PATL2: variants seen among roughly 807,000 people sequenced by gnomAD.
PATL2 encodes the protein PAT1 homolog 2.
In PATL2, 73 loss-of-function variants were observed where a neutral mutation model predicts 77.0. That is an observed-to-expected ratio of 0.95 (90% confidence interval 0.78 to 1.15). PATL2 has a LOEUF of 1.15. Ranked by LOEUF, PATL2 falls within the 50% of genes most tolerant of loss-of-function variation. PATL2 has a pLI of 0.00. For missense variants in PATL2, 618 were observed against 655.4 expected, an observed-to-expected ratio of 0.94 and a Z score of 0.62; for synonymous variants, 265 against 257.1, an observed-to-expected ratio of 1.03 and a Z score of -0.29.
At chr15:44,675,288 AGCATC>A in intron 5 of PATL2, 193 bp downstream of exon 5, 1 of 634,068 alleles carries the variant, frequency 1.6e-6, no homozygotes. Context: ...AGGCGAGAAC[AGCATC>A]AGAAATGAAG....
chr15:44,700,612 C>T (rs1370497951), intron 3 of PATL2, among the ~76,000 whole-genome samples: 2 of 152,098 alleles, frequency 1.3e-5, no homozygotes, highest in African/African-American at 4.8e-5. Context: ...TGTATGTTGA[C>T]TTTGTATCCT....
At chr15:44,667,228 A>G (rs1470711520) in intron 15 of PATL2, 25 bp from the exon 16 acceptor site, 1 of 1,515,948 alleles carries the variant, frequency 6.6e-7, no homozygotes, top group African/African-American at 1.4e-5. Context: ...TATATATTCC[A>G]GAGCAAAATG....
Position 44,675,594 on chromosome 15 carries a change from TTCCTCC to T in PATL2, c.108_113del (p.Glu40_Glu41del). 3 of 1,551,576 alleles carry T rather than the reference TTCCTCC, an allele frequency of 1.9e-6. No homozygotes were observed. The highest frequency in any genetic ancestry group is 2.6e-6 in the Non-Finnish European group (3 of 1,146,694). ...CCAGATCCTCCTCGTCCTCCTCCTC[TTCCTCC>T]TCCTCCCCTTCATTCTCTTCTTCTT... On this transcript the variant is annotated inframe_deletion, in exon 5 of 18. Coordinates refer to ENST00000682850, the MANE Select transcript of PATL2 (RefSeq NM_001387263.1).
At chr15:44,685,032 C>T (rs1264335139) in intron 3 of PATL2, among the ~76,000 whole-genome samples, 2 of 152,174 alleles carry the variant, frequency 1.3e-5, no homozygotes, top group African/African-American at 4.8e-5. Context: ...AAATCCTTTA[C>T]AGACAAGCAA....
At chr15:44,668,137 G>A (rs893632339) in intron 15 of PATL2, among the ~76,000 whole-genome samples, 3 of 152,092 alleles carry the variant, frequency 2.0e-5, no homozygotes, top group Non-Finnish European at 4.4e-5. Flanking sequence ...AGGTGCATGG[G>A]CCCCACCCCA....
chr15:44,675,687 T>C lies in PATL2; in HGVS notation c.21A>G (p.Pro7=). The C allele has an allele frequency of 6.5e-7, 1 of 1,547,662 alleles. No individual in the cohort carries two copies. The highest frequency in any genetic ancestry group is 8.7e-7 in the Non-Finnish European group (1 of 1,144,932). Reference sequence around the variant, plus strand: ...AAGCCAAGGGGCCACAGGTCTTACCTGGCCCTTGGTTTAAGTGTGGGCCAG... The same window carrying C: ...AAGCCAAGGGGCCACAGGTCTTACCCGGCCCTTGGTTTAAGTGTGGGCCAG... The part of the protein sequence containing the change: MNCLEG[P]GKTCGPLASE... Residue 7 remains proline (P), a synonymous_variant, in exon 5 of 18, where the codon CCA becomes CCG. Transcript: ENST00000682850.
intron 3 of PATL2, among the ~76,000 whole-genome samples, chr15:44,692,454 G>C (rs1227344194): frequency 1.3e-5 from 2 of 152,156 alleles, no homozygotes; most frequent in Non-Finnish European, 1.5e-5. Flanking sequence ...CAGTCTAAAG[G>C]ATAAAGTTCA....
At chr15:44,671,690 T>C (rs758788193) in intron 9 of PATL2, among the ~76,000 whole-genome samples, 2 of 152,200 alleles carry the variant, frequency 1.3e-5, no homozygotes, top group Non-Finnish European at 2.9e-5. Context: ...AGTAGATGAA[T>C]ATAACAAGAC....
rs570834266 is a variant in PATL2 at position 44,669,720 on chromosome 15, T to G, written c.876+57A>C. ...GGTCACAGTCTTAAACACAAGAATG[T>G]TCTAGACCCTTCTTCCAAAGGGGAG... On this transcript the variant is annotated intron_variant, in intron 11 of 17. Coordinates refer to ENST00000682850, the MANE Select transcript of PATL2 (RefSeq NM_001387263.1). The G allele has an allele frequency of 5.2e-6, 8 of 1,534,816 alleles. No individual in the cohort carries two copies. In the East Asian group the frequency reaches 2.0e-4, roughly 38 times the overall value.
At chr15:44,684,284 A>C (rs2086202973) in intron 3 of PATL2, among the ~76,000 whole-genome samples, 1 of 152,092 alleles carries the variant, frequency 6.6e-6, no homozygotes, top group Admixed American at 6.6e-5. Flanking sequence ...AAGGTGGGTA[A>C]TAACAAACTG....
chr15:44,667,060 A>G (rs898992304), intron 16 of PATL2, 46 bp downstream of exon 16: 11 of 1,422,456 alleles, frequency 7.7e-6, no homozygotes, highest in Non-Finnish European at 1.1e-5. Flanking sequence ...CAGTCTGCAC[A>G]TCCCGAGGGT....
rs1243938862 is a variant in PATL2 at position 44,665,842 on chromosome 15, A to G, written c.*111T>C. 19 of 1,544,712 alleles carry G rather than the reference A, an allele frequency of 1.2e-5. No individual in the cohort carries two copies. The highest frequency in any genetic ancestry group is 4.1e-5 in the Admixed American group (2 of 48,574). On this transcript the variant is annotated 3_prime_UTR_variant, in exon 18 of 18. Coordinates refer to ENST00000682850, the MANE Select transcript of PATL2 (RefSeq NM_001387263.1). ...AAAATGGGGAAGGGTTCTCCAATAT[A>G]TAAAGGCATAAGAAATGTCTTCAGA...
intron 3 of PATL2, among the ~76,000 whole-genome samples, chr15:44,686,544 G>C (rs1054130878): frequency 6.6e-5 from 10 of 152,156 alleles, no homozygotes; most frequent in African/African-American, 2.4e-4. Context: ...CAGAAGACAA[G>C]AAATAACTAA....
chr15:44,670,173 C>T lies in PATL2; in HGVS notation c.658-86G>A. The T allele has an allele frequency of 1.9e-5, 28 of 1,493,000 alleles. No homozygotes were observed. The South Asian group carries it at 3.4e-4, about 18-fold the overall frequency. 92.5% of individuals were successfully genotyped at this position (1,493,000 alleles called of 1,614,324 possible). On this transcript the variant is annotated intron_variant, in intron 9 of 17. Transcript: ENST00000682850. Reference sequence around the variant, plus strand: ...TAGAATTAAGTTTCTCAAGTGCAGCCTCTTAAGTTTAGTTTTTTTGTGTGT... The same window carrying T: ...TAGAATTAAGTTTCTCAAGTGCAGCTTCTTAAGTTTAGTTTTTTTGTGTGT...
chr15:44,668,486 C>G lies in PATL2; in HGVS notation c.1225-4G>C, dbSNP rs1159351116. On this transcript the variant is annotated splice_polypyrimidine_tract_variant and splice_region_variant and intron_variant, in intron 14 of 17. Coordinates refer to ENST00000682850, the MANE Select transcript of PATL2 (RefSeq NM_001387263.1). Reference sequence around the variant, plus strand: ...GTTTGAATAACATTTGTAGGGCCTGCAAGAAGATCAGTAAGCACCTCCCAA... The same window carrying G: ...GTTTGAATAACATTTGTAGGGCCTGGAAGAAGATCAGTAAGCACCTCCCAA... 2 of 1,549,662 alleles carry G rather than the reference C, an allele frequency of 1.3e-6. No individual in the cohort carries two copies. The highest frequency in any genetic ancestry group is 4.9e-5 in the East Asian group (2 of 40,884).
chr15:44,673,300 A>AG lies in PATL2; in HGVS notation c.380dup (p.Arg128SerfsTer20). On this transcript the variant is annotated frameshift_variant, in exon 7 of 18. Transcript: ENST00000682850. LOFTEE classifies it high-confidence loss of function. ...GAGTTGGGTCTGGTGAGGGCAGCCGAGGTCCAAAGTGCTGTGCTGGAGAGC... is the reference window on the plus strand; with the variant it reads ...GAGTTGGGTCTGGTGAGGGCAGCCGAGGGTCCAAAGTGCTGTGCTGGAGAGC... 1 of 1,551,658 alleles carries AG rather than the reference A, an allele frequency of 6.4e-7. No individual in the cohort carries two copies. Among genetic ancestry groups the AG allele is most frequent in the Non-Finnish European group, 8.7e-7 (1 of 1,146,984 alleles).
intron 9 of PATL2, 134 bp downstream of exon 9, chr15:44,671,881 C>T (rs2085698260): frequency 1.8e-6 from 2 of 1,089,582 alleles, no homozygotes; most frequent in South Asian, 1.8e-5. Context: ...ATACGGCCCC[C>T]ATCCTGTAGT....
At chr15:44,699,819 G>T (rs2141261492) in intron 3 of PATL2, among the ~76,000 whole-genome samples, 1 of 152,264 alleles carries the variant, frequency 6.6e-6, no homozygotes. Context: ...TAGATGTATG[G>T]ATTTGTTTCT....
At chr15:44,686,090 A>G (rs2086249768) in intron 3 of PATL2, among the ~76,000 whole-genome samples, 1 of 152,210 alleles carries the variant, frequency 6.6e-6, no homozygotes, top group Admixed American at 6.5e-5. Context: ...TCCACCCCAA[A>G]TCAACAGCAT....
Sources: gnomAD v4.1 joint callset for allele counts (sites outside exome capture counted in the v4.1 genomes callset) on GRCh38, gnomAD v4.1.1 for gene constraint, MANE v1.5 for transcripts, NCBI Gene and HGNC (gene_info 2026-07-23, HGNC 2026-07-21) for gene names.